Variants in MNAT1 observed in about 807,000 individuals in gnomAD.
The protein encoded by MNAT1 is MNAT1 component of CDK activating kinase.
Under a neutral mutation model 42.0 loss-of-function variants are expected in MNAT1, and 43 were observed. The ratio of observed to expected loss-of-function variants is 1.02; its 90% CI spans 0.80 to 1.32. The LOEUF (loss-of-function observed/expected upper bound fraction) is 1.32. Among genes scored for constraint, MNAT1 ranks in the 40% most tolerant of loss-of-function variants. The probability of loss-of-function intolerance (pLI) is 0.00; values close to 1 mark genes in which losing one functional copy is unlikely to be tolerated. For missense variants in MNAT1, 306 were observed against 350.4 expected (o/e 0.87, Z 1.01); for synonymous variants, 118 against 120.0 (o/e 0.98, Z 0.11).
intron 7 of MNAT1, among the ~76,000 whole-genome samples, chr14:60,958,812 T>C (rs1208151980): frequency 1.3e-5 from 2 of 152,034 alleles, no homozygotes; most frequent in East Asian, 3.9e-4. Flanking sequence ...AATTTCTTTT[T>C]GTATTTTTGG....
intron 7 of MNAT1, among the ~76,000 whole-genome samples, chr14:60,913,540 C>A (rs1248670650): frequency 6.6e-6 from 1 of 152,138 alleles, no homozygotes; most frequent in Admixed American, 6.5e-5. Context: ...AGTTTTCCTT[C>A]TAACAGTCAG....
intron 6 of MNAT1, among the ~76,000 whole-genome samples, chr14:60,854,849 G>A (rs1273026113): frequency 6.6e-6 from 1 of 152,146 alleles, no homozygotes; most frequent in Non-Finnish European, 1.5e-5. Context: ...AATTCCTCTT[G>A]TCAGGATCAG....
chr14:60,961,775 A>T (rs181844539), intron 7 of MNAT1, among the ~76,000 whole-genome samples: 1 of 152,220 alleles, frequency 6.6e-6, no homozygotes, highest in East Asian at 1.9e-4. Flanking sequence ...AGCTGCATGT[A>T]TCTAAATTTC....
chr14:60,891,310 TTTTTC>T (rs2034838479), intron 7 of MNAT1, among the ~76,000 whole-genome samples: 1 of 152,130 alleles, frequency 6.6e-6, no homozygotes, highest in Non-Finnish European at 1.5e-5. Flanking sequence ...ATTTTTCTCT[TTTTTC>T]TATTCTCTAT....
intron 1 of MNAT1, among the ~76,000 whole-genome samples, chr14:60,765,611 AAC>A (rs982662267): frequency 2.0e-5 from 3 of 152,240 alleles, no homozygotes; most frequent in African/African-American, 7.2e-5. Flanking sequence ...AAAGCTGTAT[AAC>A]ACACACAAAA....
chr14:60,812,124 G>A lies in MNAT1; in HGVS notation c.558G>A (p.Glu186=), dbSNP rs755995554. Residue 186 remains glutamate, a synonymous_variant, in exon 5 of 8, where the codon GAG becomes GAA. Transcript: ENST00000261245. ...KRKNKQAFLD[E]LESSDLPVAL... ...AGAATAAGCAGGCTTTTTTAGATGA[G>A]CTGGTATGTATTAATGCTAATTGTG... 1.3e-5 allele frequency: 21 copies of A among 1,581,990 alleles called. 1 individual carries two copies. In the Middle Eastern group the frequency reaches 5.4e-4, roughly 40 times the overall value.
At chr14:60,938,001 A>G (rs956333932) in intron 7 of MNAT1, among the ~76,000 whole-genome samples, 5 of 152,164 alleles carry the variant, frequency 3.3e-5, no homozygotes, top group South Asian at 4.1e-4. Flanking sequence ...AATTGTGAAT[A>G]GGAGTTCACT....
intron 7 of MNAT1, among the ~76,000 whole-genome samples, chr14:60,957,735 C>T (rs1346245666): frequency 6.6e-6 from 1 of 152,078 alleles, no homozygotes; most frequent in Non-Finnish European, 1.5e-5. Context: ...TTTTGTCTTT[C>T]AACATTTATA....
chr14:60,738,175 AT>A (rs1896363253), intron 1 of MNAT1, among the ~76,000 whole-genome samples: 2 of 150,458 alleles, frequency 1.3e-5, no homozygotes, highest in Admixed American at 1.3e-4. Context: ...GGCTAATATT[AT>A]TTTTTAAAAT....
At chr14:60,825,661 T>C (rs962967331) in intron 6 of MNAT1, among the ~76,000 whole-genome samples, 3 of 152,160 alleles carry the variant, frequency 2.0e-5, no homozygotes, top group African/African-American at 7.2e-5. Context: ...AGAGGTTAGG[T>C]CACATTTAAA....
chr14:60,776,873 G>T (rs1566761337), intron 1 of MNAT1, among the ~76,000 whole-genome samples: 1 of 152,096 alleles, frequency 6.6e-6, no homozygotes, highest in Non-Finnish European at 1.5e-5. Context: ...TTGAGACAGA[G>T]TCTCACTCTC....
At chr14:60,889,751 G>A (rs371794139) in intron 7 of MNAT1, among the ~76,000 whole-genome samples, 1 of 151,856 alleles carries the variant, frequency 6.6e-6, no homozygotes, top group South Asian at 2.1e-4. Flanking sequence ...AAACAAATTT[G>A]CAAGAAAAAA....
rs557607230 is a variant in MNAT1 at position 60,793,143 on chromosome 14, G to C, written c.90-3074G>C. The stretch of plus-strand genomic sequence containing the variant: ...TCTCAGCCTCCTGAGTAGCTGGGAC[G>C]CAAGCGTGTGCCACCATGCCCGGCT... On this transcript the variant is annotated intron_variant, in intron 1 of 7. Coordinates refer to ENST00000261245, the MANE Select transcript of MNAT1 (RefSeq NM_002431.4). Among the ~76,000 whole-genome samples the C allele has an allele frequency of 1.9e-3, 282 of 150,420 alleles. 1 individual carries two copies. The highest frequency in any genetic ancestry group is 6.2e-3 in the African/African-American group (256 of 40,974).
intron 7 of MNAT1, among the ~76,000 whole-genome samples, chr14:60,927,031 T>A (rs2035782341): frequency 6.6e-6 from 1 of 152,186 alleles, no homozygotes; most frequent in South Asian, 2.1e-4. Context: ...TGCCACCCTA[T>A]CTATAAGTTT....
chr14:60,927,466 A>G (rs2139563278), intron 7 of MNAT1, among the ~76,000 whole-genome samples: 1 of 152,324 alleles, frequency 6.6e-6, no homozygotes, highest in East Asian at 1.9e-4. Flanking sequence ...ATCAGGGCCA[A>G]CTTCATGTAT....
At chr14:60,913,086 C>T (rs1013996256) in intron 7 of MNAT1, among the ~76,000 whole-genome samples, 5 of 152,204 alleles carry the variant, frequency 3.3e-5, no homozygotes, top group African/African-American at 7.2e-5. Flanking sequence ...TCATCTTCCA[C>T]CGCTGATACC....
chr14:60,909,799 C>T (rs900678801), intron 7 of MNAT1, among the ~76,000 whole-genome samples: 20 of 152,010 alleles, frequency 1.3e-4, no homozygotes, highest in Admixed American at 2.6e-4. Context: ...ATTGACTTGG[C>T]GATGCGGGCT....
intron 7 of MNAT1, among the ~76,000 whole-genome samples, chr14:60,887,549 C>G (rs1334663621): frequency 6.6e-6 from 1 of 151,686 alleles, no homozygotes; most frequent in Non-Finnish European, 1.5e-5. Context: ...CATGTCCCTA[C>G]AAAGGACATG....
At chr14:60,793,124 C>G (rs2031881912) in intron 1 of MNAT1, among the ~76,000 whole-genome samples, 1 of 151,928 alleles carries the variant, frequency 6.6e-6, no homozygotes, top group Admixed American at 6.6e-5. Context: ...CCCATCTCAG[C>G]CTCCTGAGTA....
Sources: allele counts gnomAD v4.1 joint callset (sites outside exome capture counted in the v4.1 genomes callset), GRCh38; gene constraint gnomAD v4.1.1; transcripts MANE v1.5; gene names NCBI Gene and HGNC (gene_info 2026-07-23, HGNC 2026-07-21).